The following ZC3H4 variants were observed in gnomAD, a reference collection of about 807,000 sequenced individuals.
ZC3H4 encodes zinc finger CCCH-type containing 4.
Under a neutral mutation model 108.3 loss-of-function variants are expected in ZC3H4, and 13 were observed. The observed-to-expected ratio is 0.12, with a 90% CI of 0.08 to 0.19. The LOEUF (loss-of-function observed/expected upper bound fraction) is 0.19. Ranked by LOEUF, ZC3H4 falls within the 10% of genes least tolerant of loss-of-function variation. The pLI, the probability that ZC3H4 is intolerant of heterozygous loss-of-function variation, is 1.00. For synonymous variants in ZC3H4, 917 were observed against 749.6 expected, an observed-to-expected ratio of 1.22 and a Z score of -3.65; for missense variants, 1,734 against 1,838.8, an observed-to-expected ratio of 0.94 and a Z score of 1.04.
chr19:47,081,690 G>T, intron 10 of ZC3H4, 68 bp from the exon 11 acceptor site: 1 of 1,287,818 alleles, frequency 7.8e-7, no homozygotes, highest in Non-Finnish European at 1.1e-6. Flanking sequence ...CAGACCCAAG[G>T]CAGAATCCAG....
At chr19:47,074,256 G>A (rs992647456) in intron 11 of ZC3H4, among the ~76,000 whole-genome samples, 1 of 152,218 alleles carries the variant, frequency 6.6e-6, no homozygotes, top group East Asian at 1.9e-4. Context: ...TGGGTCACCA[G>A]GAGTTCTCTG....
chr19:47,090,323 T>C, intron 4 of ZC3H4, 134 bp from the exon 5 acceptor site: 1 of 941,280 alleles, frequency 1.1e-6, no homozygotes, highest in South Asian at 1.6e-5. Context: ...GCACTGCTGG[T>C]CTCCAGCCCC....
rs1032769431 is a variant in ZC3H4, at chr19:47,079,230, T to C, written c.1440+2283A>G. ...TTTTAGTAGAGATGGGGTTTCTCCA[T>C]GTTGGTCAGGCTGGTCTTGAATTCC... is the stretch of plus-strand genomic sequence containing the variant. On this transcript the variant is annotated intron_variant, in intron 11 of 14. Coordinates refer to ENST00000253048, the MANE Select transcript of ZC3H4 (RefSeq NM_015168.2). 2.0e-5 allele frequency among the ~76,000 whole-genome samples: 3 copies of C among 151,534 alleles called. No homozygotes were observed. The East Asian group carries it at 6.0e-4, about 30-fold the overall frequency.
intron 11 of ZC3H4, among the ~76,000 whole-genome samples, chr19:47,077,853 G>A (rs1451080301): frequency 2.2e-5 from 3 of 135,066 alleles, no homozygotes; most frequent in East Asian, 2.1e-4. Context: ...GCAAAACTCC[G>A]TCTCAAACAA....
intron 13 of ZC3H4, 129 bp downstream of exon 13, chr19:47,071,649 A>T: frequency 1.0e-6 from 1 of 984,044 alleles, no homozygotes; most frequent in Non-Finnish European, 1.4e-6. Context: ...TTCAACCATT[A>T]AATGGGACAG....
chr19:47,089,560 C>T (rs1009373159), intron 5 of ZC3H4, among the ~76,000 whole-genome samples: 1 of 152,166 alleles, frequency 6.6e-6, no homozygotes, highest in Non-Finnish European at 1.5e-5. Flanking sequence ...GACACAGGTT[C>T]AAGGTTCAGA....
chr19:47,090,122 C>T lies in ZC3H4; in HGVS notation c.560G>A (p.Ser187Asn). The T allele has an allele frequency of 1.2e-6, 2 of 1,614,222 alleles. No homozygotes were observed. The highest frequency in any genetic ancestry group is 1.7e-6 in the Non-Finnish European group (2 of 1,180,040). ...GTCCTCGTACATGCCATAACTCTTG[C>T]TGTCCATCTTGGAGTATGCCTTCTT... ...LPKKAYSKMD[S>N]KSYGMYEDYE... The change falls in exon 5 of 15, where the codon AGC (serine) becomes AAC (asparagine). Residue 187 changes from serine to asparagine, a missense_variant. This residue lies in a region of ZC3H4 where 403 missense variants were observed against 457.0 expected (regional missense o/e 0.88). Coordinates refer to ENST00000253048, the MANE Select transcript of ZC3H4 (RefSeq NM_015168.2).
At chr19:47,074,680 AT>A (rs2057386769) in intron 11 of ZC3H4, among the ~76,000 whole-genome samples, 1 of 152,164 alleles carries the variant, frequency 6.6e-6, no homozygotes, top group Non-Finnish European at 1.5e-5. Flanking sequence ...CAAATCTGGA[AT>A]TTTGGTCCAT....
At position 47,090,357 on chromosome 19, in the gene ZC3H4, G is replaced by A. The variant is rs544663926; in HGVS notation, c.493-168C>T. Among the ~76,000 whole-genome samples, 3 of 152,334 alleles carry A rather than the reference G, an allele frequency of 2.0e-5. No individual in the cohort carries two copies. In the East Asian group the frequency reaches 5.8e-4, roughly 29 times the overall value. ...CCTCTGGGGACTGGTTCTCGTACCA[G>A]GGAGTGGGAGTAGCAGCGGGCCCAA... is the stretch of plus-strand genomic sequence containing the variant. On this transcript the variant is annotated intron_variant, in intron 4 of 14. Coordinates refer to ENST00000253048, the MANE Select transcript of ZC3H4 (RefSeq NM_015168.2).
intron 2 of ZC3H4, 155 bp downstream of exon 2, chr19:47,112,269 C>T: frequency 8.8e-7 from 1 of 1,133,058 alleles, no homozygotes; most frequent in East Asian, 3.2e-5. Context: ...AGCGAGCGAG[C>T]AAGCGATCGA....
chr19:47,099,739 C>T (rs1379454233), intron 2 of ZC3H4, among the ~76,000 whole-genome samples: 1 of 146,200 alleles, frequency 6.8e-6, no homozygotes, highest in Non-Finnish European at 1.5e-5. Context: ...AGCTTGGCAA[C>T]ATGGCAGCTC....
At position 47,067,769 on chromosome 19, in the gene ZC3H4, C is replaced by G; in HGVS notation, c.2499G>C (p.Pro833=). 1 of 1,609,224 alleles carries G rather than the reference C, an allele frequency of 6.2e-7. No individual in the cohort carries two copies. Among genetic ancestry groups the G allele is most frequent in the Non-Finnish European group, 8.5e-7 (1 of 1,178,640 alleles). The change falls in exon 15 of 15, where the codon CCG becomes CCC. Residue 833 remains proline (P), a synonymous_variant. Coordinates refer to ENST00000253048, the MANE Select transcript of ZC3H4 (RefSeq NM_015168.2). The surrounding 1 kb of genome is among the most constrained non-coding windows in gnomAD (Gnocchi z 6.4). ...TGCTGCTCAGCTCCCCAACTGAAGC[C>G]GGGGGTCGGCTGGACGTCTGCTGCC... The part of the protein sequence containing the change: ...TLRQQTSSRP[P]ASVGELSSSG...
intron 11 of ZC3H4, among the ~76,000 whole-genome samples, chr19:47,078,108 AT>A (rs1027648055): frequency 1.6e-4 from 25 of 152,056 alleles, no homozygotes; most frequent in African/African-American, 5.1e-4. Context: ...CACTTAAAAA[AT>A]TTTTTTTCCA....
At chr19:47,076,310 C>A (rs917090970) in intron 11 of ZC3H4, among the ~76,000 whole-genome samples, 9 of 90,372 alleles carry the variant, frequency 1.0e-4, no homozygotes, top group African/African-American at 3.6e-4. Flanking sequence ...AACACATGCA[C>A]GCGTGCGCGC....
intron 11 of ZC3H4, among the ~76,000 whole-genome samples, chr19:47,079,462 G>A (rs2057481973): frequency 6.6e-6 from 1 of 151,526 alleles, no homozygotes; most frequent in African/African-American, 2.4e-5. Context: ...GGCAGCACTG[G>A]CCTGAAGCAC....
In ZC3H4 at chr19:47,085,430, G is replaced by A. The variant is rs988482092; in HGVS notation, c.871-16C>T. On this transcript the variant is annotated splice_polypyrimidine_tract_variant and intron_variant, in intron 6 of 14. Coordinates refer to ENST00000253048, the MANE Select transcript of ZC3H4 (RefSeq NM_015168.2). ...TCTCTCCATACTGGAATGCGCAGAG[G>A]AGAGGGCAGGAGAGCGTCAGGTAGG... 1.3e-6 allele frequency: 2 copies of A among 1,545,942 alleles called. No individual in the cohort carries two copies. Among genetic ancestry groups the A allele is most frequent in the Non-Finnish European group, 8.7e-7 (1 of 1,147,810 alleles).
Position 47,064,262 on chromosome 19 carries a change from A to G in ZC3H4, c.*2094T>C, listed in dbSNP as rs34671296. 1,986 of 152,788 alleles carry G rather than the reference A, an allele frequency of 0.013. 28 individuals carry two copies. The highest frequency in any genetic ancestry group is 0.075 in the Middle Eastern group (22 of 294). 9.5% of individuals were successfully genotyped at this position (152,788 alleles called of 1,614,324 possible). ...AGAGACCACAGGAGAAAGGCAGGTG[A>G]CGTTTCTGGAAGACAGATATGGAGT... On this transcript the variant is annotated 3_prime_UTR_variant, in exon 15 of 15. Coordinates refer to ENST00000253048, the MANE Select transcript of ZC3H4 (RefSeq NM_015168.2).
chr19:47,066,529 C>A lies in ZC3H4; in HGVS notation c.3739G>T (p.Val1247Leu), dbSNP rs1396927978. 12 of 1,572,276 alleles carry A rather than the reference C, an allele frequency of 7.6e-6. No individual in the cohort carries two copies. Among genetic ancestry groups the A allele is most frequent in the Admixed American group, 1.8e-5 (1 of 57,058 alleles). Residue 1247 changes from valine (V) to leucine (L), a missense_variant, in exon 15 of 15, where the codon GTG becomes TTG. Transcript: ENST00000253048. The part of the protein sequence containing the change: ...PPEGAPPQPG[V>L]HNLPVPTLFG... ...AGGGTGGGCACGGGCAGGTTGTGCA[C>A]CCCGGGCTGGGGTGGGGCACCCTCG...
chr19:47,112,624 G>A, intron 1 of ZC3H4, 35 bp from the exon 2 acceptor site: 1 of 1,218,002 alleles, frequency 8.2e-7, no homozygotes, highest in African/African-American at 1.6e-5. Context: ...GCACGAAAAA[G>A]GACTGCTTGG....
Sources: allele counts gnomAD v4.1 joint callset (sites outside exome capture counted in the v4.1 genomes callset), GRCh38; gene constraint gnomAD v4.1.1; regional missense constraint gnomAD v4.1.1; non-coding constraint Gnocchi (gnomAD v3.1); transcripts MANE v1.5; gene names NCBI Gene and HGNC (gene_info 2026-07-23, HGNC 2026-07-21).